PEX26: variants seen among roughly 807,000 people sequenced by gnomAD.
The protein encoded by PEX26 is peroxisome assembly protein 26.
In PEX26, 18 loss-of-function variants were observed where a neutral mutation model predicts 31.4. The observed-to-expected ratio is 0.57, with a 90% CI of 0.40 to 0.85. The LOEUF is 0.85. Ranked by LOEUF, PEX26 falls within the 40% of genes least tolerant of loss-of-function variation. The pLI is 0.00. For synonymous variants in PEX26, 176 were observed against 166.9 expected (o/e 1.05, Z -0.42); for missense variants, 377 against 383.9 (o/e 0.98, Z 0.15).
chr22:18,079,593 G>T (rs1264968409), intron 1 of PEX26, among the ~76,000 whole-genome samples: 2 of 152,114 alleles, frequency 1.3e-5, no homozygotes, highest in Non-Finnish European at 1.5e-5. Context: ...TCCCCCTCAG[G>T]ATTACCCTTC....
intron 4 of PEX26, among the ~76,000 whole-genome samples, chr22:18,087,234 C>G (rs1926876423): frequency 6.6e-6 from 1 of 152,182 alleles, no homozygotes; most frequent in Non-Finnish European, 1.5e-5. Context: ...ACCACCATGC[C>G]AGGCTACATT....
At chr22:18,081,711 G>A (rs1184007246) in intron 2 of PEX26, 4 of 158,792 alleles carry the variant, frequency 2.5e-5, no homozygotes. Flanking sequence ...GGCCTTCATG[G>A]CATTCTCTCA....
In PEX26 at chr22:18,094,472, G is replaced by C. The variant is rs144273819; in HGVS notation, c.*6397G>C. The C allele has an allele frequency of 1.3e-5, 2 of 152,390 alleles. No homozygotes were observed. The highest frequency in any genetic ancestry group is 2.9e-5 in the Non-Finnish European group (2 of 68,062). The allele number at this position is 152,390 out of a possible 1,614,324, so 9.4% of individuals were successfully genotyped here. On this transcript the variant is annotated 3_prime_UTR_variant, in exon 5 of 5. Coordinates refer to ENST00000399744, the MANE Select transcript of PEX26 (RefSeq NM_001127649.3). ...CGTGATCCGCCTCCCACAGTGCTGG[G>C]ATTACAGGCGTGAGCCACGGCACCT...
At position 18,098,754 on chromosome 22, in the gene PEX26, G is replaced by A. The variant is rs1205765024; in HGVS notation, c.*10679G>A. 3 of 112,584 alleles carry A rather than the reference G, an allele frequency of 2.7e-5. No homozygotes were observed. The highest frequency in any genetic ancestry group is 2.1e-4 in the Admixed American group (2 of 9,374). 7.0% of individuals were successfully genotyped at this position (112,584 alleles called of 1,614,324 possible). Reference sequence around the variant, plus strand: ...TATTAAGTAATACACATGTGTATGTGTGCGTGTGTAGACATATATATATAA... The same window carrying A: ...TATTAAGTAATACACATGTGTATGTATGCGTGTGTAGACATATATATATAA... On this transcript the variant is annotated 3_prime_UTR_variant, in exon 5 of 5. Coordinates refer to ENST00000399744, the MANE Select transcript of PEX26 (RefSeq NM_001127649.3).
chr22:18,100,003 A>G lies in PEX26; in HGVS notation c.*11928A>G, dbSNP rs374522614. Reference sequence around the variant, plus strand: ...CATATCTTTGGGGGGCCAAAATTCAATCCCCTAATCCATGTTAGTAACCAT... The same window carrying G: ...CATATCTTTGGGGGGCCAAAATTCAGTCCCCTAATCCATGTTAGTAACCAT... On this transcript the variant is annotated 3_prime_UTR_variant, in exon 5 of 5. Transcript: ENST00000399744. 7 of 152,210 alleles carry G rather than the reference A, an allele frequency of 4.6e-5. No homozygotes were observed. The highest frequency in any genetic ancestry group is 8.8e-5 in the Non-Finnish European group (6 of 68,046). The allele number at this position is 152,210 out of a possible 1,614,324, so 9.4% of individuals were successfully genotyped here.
Position 18,097,836 on chromosome 22 carries a change from C to T in PEX26, c.*9761C>T, listed in dbSNP as rs1452825958. On this transcript the variant is annotated 3_prime_UTR_variant, in exon 5 of 5. Coordinates refer to ENST00000399744, the MANE Select transcript of PEX26 (RefSeq NM_001127649.3). The stretch of plus-strand genomic sequence containing the variant: ...GATTATAGGCATAAGCCACCACACC[C>T]AGATGATTTTTTTATTTTTCAAAGA... 2 of 152,150 alleles carry T rather than the reference C, an allele frequency of 1.3e-5. No homozygotes were observed. Among genetic ancestry groups the T allele is most frequent in the Non-Finnish European group, 2.9e-5 (2 of 68,046 alleles). The allele number at this position is 152,150 out of a possible 1,614,324, so 9.4% of individuals were successfully genotyped here. A position where few individuals can be genotyped will look rare whatever the true frequency, so the allele number is the denominator to read the frequency against.
At chr22:18,084,867 C>T (rs979950772) in intron 3 of PEX26, among the ~76,000 whole-genome samples, 3 of 151,536 alleles carry the variant, frequency 2.0e-5, no homozygotes, top group Non-Finnish European at 4.4e-5. Flanking sequence ...GGACTACAGG[C>T]GCACACCACC....
At chr22:18,086,207 G>C (rs1926837341) in intron 4 of PEX26, among the ~76,000 whole-genome samples, 1 of 152,050 alleles carries the variant, frequency 6.6e-6, no homozygotes, top group Non-Finnish European at 1.5e-5. Flanking sequence ...GTGAGGCAGG[G>C]AGCATTGCTT....
rs1051273027 is a variant in PEX26, at chr22:18,101,606, T to C, written c.*13531T>C. The stretch of plus-strand genomic sequence containing the variant: ...ACCACCTGTATGGACCCTTCCCTAA[T>C]GCCCAGGATCAAGAAAAGAATGTGG... On this transcript the variant is annotated 3_prime_UTR_variant, in exon 5 of 5. Transcript: ENST00000399744. 4 of 188,480 alleles carry C rather than the reference T, an allele frequency of 2.1e-5. No individual in the cohort carries two copies. Among genetic ancestry groups the C allele is most frequent in the African/African-American group, 9.5e-5 (4 of 42,194 alleles). 11.7% of individuals were successfully genotyped at this position (188,480 alleles called of 1,614,324 possible).
In PEX26 at chr22:18,089,287, G is replaced by C. The variant is rs1385006491; in HGVS notation, c.*1212G>C. On this transcript the variant is annotated 3_prime_UTR_variant, in exon 5 of 5. Coordinates refer to ENST00000399744, the MANE Select transcript of PEX26 (RefSeq NM_001127649.3). ...TCTGCTCGTGTGGCCTTGAAAAGTA[G>C]GCCAGCCTCAGAGGCTGCTGAGCTG... 1.3e-5 allele frequency: 2 copies of C among 152,716 alleles called. No homozygotes were observed. Among genetic ancestry groups the C allele is most frequent in the African/African-American group, 4.8e-5 (2 of 41,438 alleles). 9.5% of individuals were successfully genotyped at this position (152,716 alleles called of 1,614,324 possible).
intron 3 of PEX26, among the ~76,000 whole-genome samples, chr22:18,083,935 A>G (rs1275995138): frequency 6.6e-6 from 1 of 152,248 alleles, no homozygotes; most frequent in Non-Finnish European, 1.5e-5. Flanking sequence ...GAGAATCTCC[A>G]CATGGGAAGG....
intron 2 of PEX26, among the ~76,000 whole-genome samples, chr22:18,082,432 G>T (rs867519180): frequency 2.6e-5 from 4 of 152,100 alleles, no homozygotes; most frequent in Non-Finnish European, 5.9e-5. Context: ...ATGGATATCC[G>T]ATTTTCCCAG....
Position 18,090,296 on chromosome 22 carries a change from C to T in PEX26, c.*2221C>T, listed in dbSNP as rs1927036672. 1 of 152,190 alleles carries T rather than the reference C, an allele frequency of 6.6e-6. No homozygotes were observed. The highest frequency in any genetic ancestry group is 1.5e-5 in the Non-Finnish European group (1 of 68,034). The allele number at this position is 152,190 out of a possible 1,614,324, so 9.4% of individuals were successfully genotyped here. On this transcript the variant is annotated 3_prime_UTR_variant, in exon 5 of 5. Coordinates refer to ENST00000399744, the MANE Select transcript of PEX26 (RefSeq NM_001127649.3). ...TCTAAATTCTTCATGGAATTGAAGG[C>T]CCCTATGTGCTGGTTTTGGCTAAGA... is the stretch of plus-strand genomic sequence containing the variant.
Position 18,096,117 on chromosome 22 carries a change from C to T in PEX26, c.*8042C>T, listed in dbSNP as rs114268920. 0.04 allele frequency: 6,045 copies of T among 152,328 alleles called. 330 individuals are homozygous for T. Among genetic ancestry groups the T allele is most frequent in the African/African-American group, 0.13 (5,206 of 41,540 alleles). 9.4% of individuals were successfully genotyped at this position (152,328 alleles called of 1,614,324 possible). On this transcript the variant is annotated 3_prime_UTR_variant, in exon 5 of 5. Transcript: ENST00000399744. ...GAATACAGGCATGAGCCACCACACC[C>T]GGCCTGAGTTTGTATCTTGACTCAC...
chr22:18,085,195 C>T lies in PEX26; in HGVS notation c.751C>T (p.Pro251Ser). Residue 251 changes from proline to serine, a missense_variant, in exon 4 of 5, where the codon CCC (proline) becomes TCC (serine). By Grantham distance (74) the Pro-to-Ser change is moderately conservative. Coordinates refer to ENST00000399744, the MANE Select transcript of PEX26 (RefSeq NM_001127649.3). Reference sequence around the variant, plus strand: ...TGCGGTGAGCCACTTCTTTTCTCTGCCCTTCAAAAAGAGTCTCCTGGCTGC... The same window carrying T: ...TGCGGTGAGCCACTTCTTTTCTCTGTCCTTCAAAAAGAGTCTCCTGGCTGC... Reference protein sequence around the residue: ...DSAVSHFFSLPFKKSLLAALI... With the variant: ...DSAVSHFFSLSFKKSLLAALI... 6.2e-7 allele frequency: 1 copy of T among 1,614,060 alleles called. No homozygotes were observed.
rs1349461065 is a variant in PEX26, at chr22:18,090,279, C to T, written c.*2204C>T. On this transcript the variant is annotated 3_prime_UTR_variant, in exon 5 of 5. Coordinates refer to ENST00000399744, the MANE Select transcript of PEX26 (RefSeq NM_001127649.3). Reference sequence around the variant, plus strand: ...TGGCTCACTGGATAACATCTAAATTCTTCATGGAATTGAAGGCCCCTATGT... The same window carrying T: ...TGGCTCACTGGATAACATCTAAATTTTTCATGGAATTGAAGGCCCCTATGT... 6.6e-6 allele frequency: 1 copy of T among 152,192 alleles called. No individual in the cohort carries two copies. The highest frequency in any genetic ancestry group is 6.5e-5 in the Admixed American group (1 of 15,276). 9.4% of individuals were successfully genotyped at this position (152,192 alleles called of 1,614,324 possible). A position where few individuals can be genotyped will look rare whatever the true frequency, so the allele number is the denominator to read the frequency against.
intron 4 of PEX26, among the ~76,000 whole-genome samples, chr22:18,087,150 C>G (rs1926874092): frequency 6.6e-6 from 1 of 152,180 alleles, no homozygotes; most frequent in Non-Finnish European, 1.5e-5. Flanking sequence ...TCTCGGCTTA[C>G]TGCAACCTCC....
rs1927241552 is a variant in PEX26, at chr22:18,094,780, TTTC to T, written c.*6711_*6713del. ...TGGCTTTTTTTTTCTTTTCTTTTCT[TTTC>T]TTCTTTTTTTTTTTGAGATGGAATC... On this transcript the variant is annotated 3_prime_UTR_variant, in exon 5 of 5. Coordinates refer to ENST00000399744, the MANE Select transcript of PEX26 (RefSeq NM_001127649.3). 1 of 150,686 alleles carries T rather than the reference TTTC, an allele frequency of 6.6e-6. No homozygotes were observed. The highest frequency in any genetic ancestry group is 2.5e-5 in the African/African-American group (1 of 40,374). 9.3% of individuals were successfully genotyped at this position (150,686 alleles called of 1,614,324 possible).
At position 18,091,721 on chromosome 22, in the gene PEX26, C is replaced by T. The variant is rs1236904103; in HGVS notation, c.*3646C>T. 3 of 152,220 alleles carry T rather than the reference C, an allele frequency of 2.0e-5. No individual in the cohort carries two copies. Among genetic ancestry groups the T allele is most frequent in the East Asian group, 3.8e-4 (2 of 5,200 alleles). The allele number at this position is 152,220 out of a possible 1,614,324, so 9.4% of individuals were successfully genotyped here. On this transcript the variant is annotated 3_prime_UTR_variant, in exon 5 of 5. Transcript: ENST00000399744. Reference sequence around the variant, plus strand: ...CATTCTTCATAGCTGTGTGTCATTCCGTTGCGTGATGGGGTCACAGAGCAC... The same window carrying T: ...CATTCTTCATAGCTGTGTGTCATTCTGTTGCGTGATGGGGTCACAGAGCAC...
Sources: gnomAD v4.1 joint callset for allele counts (sites outside exome capture counted in the v4.1 genomes callset) on GRCh38, gnomAD v4.1.1 for gene constraint, MANE v1.5 for transcripts, NCBI Gene and HGNC (gene_info 2026-07-23, HGNC 2026-07-21) for gene names.